MFHAS1: variants seen among roughly 807,000 people sequenced by gnomAD.
MFHAS1 encodes the protein malignant fibrous histiocytoma-amplified sequence 1.
Under a neutral mutation model 70.4 loss-of-function variants are expected in MFHAS1, and 50 were observed. The ratio of observed to expected loss-of-function variants is 0.71; its 90% CI spans 0.57 to 0.90. MFHAS1 has a LOEUF of 0.90. MFHAS1 is among the 40% of genes least tolerant of loss of function. The pLI is 0.00. For missense variants in MFHAS1, 1,795 were observed against 1,347.6 expected (o/e 1.33, Z -5.20); for synonymous variants, 952 against 620.0 (o/e 1.54, Z -7.96).
At chr8:8,868,178 C>T (rs1563212169) in intron 1 of MFHAS1, among the ~76,000 whole-genome samples, 1 of 151,962 alleles carries the variant, frequency 6.6e-6, no homozygotes, top group African/African-American at 2.4e-5. Flanking sequence ...TTCCTTGCTG[C>T]AAGGCCTCTG....
intron 1 of MFHAS1, among the ~76,000 whole-genome samples, chr8:8,843,275 C>CAAAAAAAA (rs565954183): frequency 2.4e-4 from 30 of 123,688 alleles, no homozygotes; most frequent in Middle Eastern, 4.2e-3. Flanking sequence ...GACTCCGTCT[C>CAAAAAAAA]AAAAAAAAAA....
chr8:8,868,061 C>A (rs908280917), intron 1 of MFHAS1, among the ~76,000 whole-genome samples: 2 of 152,012 alleles, frequency 1.3e-5, no homozygotes, highest in African/African-American at 4.8e-5. Context: ...TGACTTTTAT[C>A]ATTTATTATA....
chr8:8,822,963 G>C (rs1227734095), intron 1 of MFHAS1, among the ~76,000 whole-genome samples: 1 of 152,130 alleles, frequency 6.6e-6, no homozygotes, highest in African/African-American at 2.4e-5. Flanking sequence ...GTGGCGGGAA[G>C]GGAGGGTAAC....
At position 8,891,727 on chromosome 8, in the gene MFHAS1, C is replaced by T. The variant is rs966300995; in HGVS notation, c.1332G>A (p.Glu444=). 1.9e-6 allele frequency: 3 copies of T among 1,613,452 alleles called. No individual in the cohort carries two copies. Among genetic ancestry groups the T allele is most frequent in the Non-Finnish European group, 2.5e-6 (3 of 1,180,032 alleles). ...GGGGAGGTGACGGTGGGTAGCACTT[C>T]TCCTTGTCCCCTCCTCCTGGGCATC... ...VEGCPGGGDK[E]KCYPPSPPPV... The change falls in exon 1 of 3, where the codon GAG becomes GAA. Residue 444 remains glutamate, a synonymous_variant. Transcript: ENST00000276282. This position sits in a 1 kb window ranked among gnomAD's most constrained non-coding sequence, Gnocchi z 5.4.
At chr8:8,801,284 CCCCAGACTGTCCA>C (rs1345169834) in intron 1 of MFHAS1, among the ~76,000 whole-genome samples, 1 of 152,084 alleles carries the variant, frequency 6.6e-6, no homozygotes, top group Non-Finnish European at 1.5e-5. Context: ...TCTAACTGTA[CCCCAGACTGTCCA>C]CGTCACACAG....
At position 8,797,352 on chromosome 8, in the gene MFHAS1, T is replaced by G; in HGVS notation, c.3125+13A>C. On this transcript the variant is annotated intron_variant, in intron 2 of 2. Transcript: ENST00000276282. ...AGCCAGGTCCCGGGGCCAGAGGGAC[T>G]TTGAGAACTCACTTGGAACAGGGGC... 6.2e-7 allele frequency: 1 copy of G among 1,613,072 alleles called. No homozygotes were observed. The highest frequency in any genetic ancestry group is 8.5e-7 in the Non-Finnish European group (1 of 1,179,226).
intron 1 of MFHAS1, among the ~76,000 whole-genome samples, chr8:8,876,491 T>TG (rs1809297387): frequency 6.6e-6 from 1 of 151,978 alleles, no homozygotes. Flanking sequence ...TCCCAGCACT[T>TG]TGGGAGGATG....
At chr8:8,847,166 C>T (rs1808067346) in intron 1 of MFHAS1, among the ~76,000 whole-genome samples, 1 of 152,058 alleles carries the variant, frequency 6.6e-6, no homozygotes, top group Admixed American at 6.6e-5. Context: ...TGTATACTCG[C>T]TAGTTAGAAA....
rs545590091 is a variant in MFHAS1 at position 8,892,622 on chromosome 8, T to C, written c.437A>G (p.Gln146Arg). Residue 146 changes from glutamine to arginine, a missense_variant, in exon 1 of 3, where the codon CAG (glutamine) becomes CGG (arginine). By Grantham distance (43) the Gln-to-Arg change is conservative. Coordinates refer to ENST00000276282, the MANE Select transcript of MFHAS1 (RefSeq NM_004225.3). The surrounding 1 kb of genome is among the most constrained non-coding windows in gnomAD (Gnocchi z 4.7). ...ELRKLNLSHN[Q>R]LPALPAQLGA... ...CAGCTGGGCGGGCAGGGCGGGCAGC[T>C]GGTTGTGGCTGAGGTTGAGCTTCCG... 6.2e-6 allele frequency: 10 copies of C among 1,606,374 alleles called. No homozygotes were observed. In the African/African-American group the frequency reaches 1.2e-4, roughly 19 times the overall value.
chr8:8,819,898 A>T (rs976694796), intron 1 of MFHAS1, among the ~76,000 whole-genome samples: 7 of 152,074 alleles, frequency 4.6e-5, no homozygotes, highest in Admixed American at 6.5e-5. Flanking sequence ...CGGGGTCTTT[A>T]CATTACCCAG....
At chr8:8,807,267 G>GA (rs1321847705) in intron 1 of MFHAS1, among the ~76,000 whole-genome samples, 1 of 151,956 alleles carries the variant, frequency 6.6e-6, no homozygotes, top group South Asian at 2.1e-4. Flanking sequence ...CATTATCTCA[G>GA]AAAAAAAGCC....
chr8:8,843,873 C>A (rs1807933204), intron 1 of MFHAS1, among the ~76,000 whole-genome samples: 1 of 152,160 alleles, frequency 6.6e-6, no homozygotes, highest in South Asian at 2.1e-4. Context: ...GAATTAATTA[C>A]CTCTGTTTTA....
chr8:8,855,376 G>C (rs1363081975), intron 1 of MFHAS1, among the ~76,000 whole-genome samples: 2 of 152,212 alleles, frequency 1.3e-5, no homozygotes, highest in East Asian at 1.9e-4. Context: ...ACCTGAACTA[G>C]AATCATACAA....
chr8:8,892,743 C>G lies in MFHAS1; in HGVS notation c.316G>C (p.Val106Leu), dbSNP rs767858987. The G allele has an allele frequency of 9.5e-6, 15 of 1,574,378 alleles. No homozygotes were observed. In the African/African-American group the frequency reaches 1.8e-4, roughly 18 times the overall value. Residue 106 changes from valine (V) to leucine (L), a missense_variant, in exon 1 of 3, where the codon GTG becomes CTG. Physicochemically the swap from Val to Leu is conservative, Grantham distance 32. Coordinates refer to ENST00000276282, the MANE Select transcript of MFHAS1 (RefSeq NM_004225.3). The surrounding 1 kb of genome is among the most constrained non-coding windows in gnomAD (Gnocchi z 4.7). ...RNRFARLPPA[V>L]AELGHHLTEL... ...GTGAGGTGGTGGCCGAGCTCGGCCA[C>G]CGCCGGGGGCAGCCGGGCGAAGCGG...
intron 1 of MFHAS1, among the ~76,000 whole-genome samples, chr8:8,828,467 G>C (rs1807246809): frequency 4.6e-5 from 7 of 152,078 alleles, no homozygotes; most frequent in African/African-American, 1.7e-4. Context: ...AAAGACGCAG[G>C]GCCATACTGT....
chr8:8,823,829 C>T (rs1436651872), intron 1 of MFHAS1, among the ~76,000 whole-genome samples: 4 of 141,120 alleles, frequency 2.8e-5, no homozygotes, highest in Admixed American at 7.8e-5. Flanking sequence ...GAAAGAATCT[C>T]GCCTCTCAGA....
intron 1 of MFHAS1, among the ~76,000 whole-genome samples, chr8:8,806,535 T>G (rs946279672): frequency 6.6e-6 from 1 of 152,200 alleles, no homozygotes; most frequent in African/African-American, 2.4e-5. Context: ...TATATCAAAG[T>G]TCTTTAAACT....
At chr8:8,871,692 C>T (rs1014744384) in intron 1 of MFHAS1, among the ~76,000 whole-genome samples, 2 of 152,132 alleles carry the variant, frequency 1.3e-5, no homozygotes, top group African/African-American at 4.8e-5. Flanking sequence ...AAATTGAGGC[C>T]CAGGGAGGCC....
chr8:8,833,401 G>A (rs4840367), intron 1 of MFHAS1, among the ~76,000 whole-genome samples: 51,160 of 152,016 alleles, frequency 0.34, 8,949 homozygotes, highest in Non-Finnish European at 0.39. Context: ...GGCGGAAGTG[G>A]GAGGATCGCT....
Sources: allele counts gnomAD v4.1 joint callset (sites outside exome capture counted in the v4.1 genomes callset), GRCh38; gene constraint gnomAD v4.1.1; non-coding constraint Gnocchi (gnomAD v3.1); transcripts MANE v1.5; gene names NCBI Gene and HGNC (gene_info 2026-07-23, HGNC 2026-07-21).